Variants in ADCY3 observed in about 807,000 individuals in gnomAD.
The protein encoded by ADCY3 is adenylate cyclase type 3.
ADCY3 carries 70 observed loss-of-function variants against 119.4 expected under a neutral mutation model. The ratio of observed to expected loss-of-function variants is 0.59; its 90% CI spans 0.48 to 0.72. The LOEUF (loss-of-function observed/expected upper bound fraction) is 0.72, where lower values mean the gene tolerates loss of function less well. ADCY3 is among the 30% of genes least tolerant of loss of function. The pLI is 0.00. For synonymous variants in ADCY3, 672 were observed against 621.4 expected, an observed-to-expected ratio of 1.08 and a Z score of -1.21; for missense variants, 1,238 against 1,541.6, an observed-to-expected ratio of 0.80 and a Z score of 3.30.
chr2:24,884,128 G>T (rs1676730164), intron 2 of ADCY3, among the ~76,000 whole-genome samples: 4 of 152,066 alleles, frequency 2.6e-5, no homozygotes, highest in South Asian at 2.1e-4. Context: ...TCCAGTCACT[G>T]GTTCTGATGC....
intron 18 of ADCY3, among the ~76,000 whole-genome samples, chr2:24,823,006 C>A (rs1668017105): frequency 6.6e-6 from 1 of 152,170 alleles, no homozygotes; most frequent in Admixed American, 6.5e-5. Context: ...ATCCTGTGAC[C>A]CTGTGGGTGA....
At chr2:24,883,584 G>C (rs1186968652) in intron 2 of ADCY3, among the ~76,000 whole-genome samples, 1 of 152,220 alleles carries the variant, frequency 6.6e-6, no homozygotes, top group Non-Finnish European at 1.5e-5. Context: ...TACTAAGTGA[G>C]GCAGGAATGA....
At chr2:24,907,650 C>T (rs1037233613) in intron 2 of ADCY3, among the ~76,000 whole-genome samples, 10 of 152,172 alleles carry the variant, frequency 6.6e-5, no homozygotes, top group Middle Eastern at 3.4e-3. Context: ...CCTGCTGAAA[C>T]GACAGCAAGT....
intron 2 of ADCY3, among the ~76,000 whole-genome samples, chr2:24,904,032 C>T (rs549002378): frequency 6.6e-6 from 1 of 152,284 alleles, no homozygotes; most frequent in East Asian, 1.9e-4. Context: ...TGTCTCCCAC[C>T]CACAACCAAC....
intron 9 of ADCY3, among the ~76,000 whole-genome samples, chr2:24,835,707 G>A (rs1015578366): frequency 6.6e-6 from 1 of 152,062 alleles, no homozygotes; most frequent in Non-Finnish European, 1.5e-5. Flanking sequence ...AGGCTGAGGT[G>A]GGTGGATCAC....
At chr2:24,837,175 G>A (rs1395980183) in intron 8 of ADCY3, 130 bp from the exon 9 acceptor site, 2 of 1,104,654 alleles carry the variant, frequency 1.8e-6, no homozygotes, top group African/African-American at 3.2e-5. Context: ...CTTGCTTGTG[G>A]ATTGCAAAGT....
chr2:24,840,155 G>A, intron 6 of ADCY3, 124 bp from the exon 7 acceptor site: 1 of 1,326,994 alleles, frequency 7.5e-7, no homozygotes, highest in South Asian at 1.4e-5. Flanking sequence ...GCCTGGCAAG[G>A]TCCCCACAGC....
intron 3 of ADCY3, among the ~76,000 whole-genome samples, chr2:24,870,904 C>T (rs1042821558): frequency 6.6e-6 from 1 of 152,194 alleles, no homozygotes; most frequent in African/African-American, 2.4e-5. Context: ...AAAAGTGAGG[C>T]TCTGTAGGGT....
At position 24,919,034 on chromosome 2, in the gene ADCY3, G is replaced by A. The variant is rs1329639202; in HGVS notation, c.-47C>T. On this transcript the variant is annotated 5_prime_UTR_variant, in exon 2 of 22. Coordinates refer to ENST00000679454, the MANE Select transcript of ADCY3 (RefSeq NM_004036.5). This position sits in a 1 kb window ranked among gnomAD's most constrained non-coding sequence, Gnocchi z 5.5. Reference sequence around the variant, plus strand: ...GCCCTAGAGAAGTGGACTGGGAACGGAGGAAGAGCTCTGGACTGGGCCTCC... The same window carrying A: ...GCCCTAGAGAAGTGGACTGGGAACGAAGGAAGAGCTCTGGACTGGGCCTCC... 1 of 1,495,084 alleles carries A rather than the reference G, an allele frequency of 6.7e-7. No homozygotes were observed. 92.6% of individuals were successfully genotyped at this position (1,495,084 alleles called of 1,614,324 possible).
chr2:24,829,514 G>A (rs1010905594), intron 13 of ADCY3, among the ~76,000 whole-genome samples: 3 of 139,556 alleles, frequency 2.1e-5, no homozygotes, highest in Non-Finnish European at 3.0e-5. Context: ...TCCACCTCCC[G>A]GGTTCACGCC....
At chr2:24,835,483 G>A (rs1033405617) in intron 9 of ADCY3, among the ~76,000 whole-genome samples, 4 of 152,156 alleles carry the variant, frequency 2.6e-5, no homozygotes, top group Non-Finnish European at 5.9e-5. Context: ...GGTGGAGCTG[G>A]GGCACCCACT....
In ADCY3 at chr2:24,918,617, A is replaced by G; in HGVS notation, c.371T>C (p.Leu124Pro). Residue 124 changes from leucine to proline, a missense_variant, in exon 2 of 22, where the codon CTC (leucine) becomes CCC (proline). Physicochemically the swap from Leu to Pro is moderately conservative, Grantham distance 98. Transcript: ENST00000679454. This position sits in a 1 kb window ranked among gnomAD's most constrained non-coding sequence, Gnocchi z 5.4. The part of the protein sequence containing the change: ...GLVLDIILFV[L>P]CKKGLLPDRV... ...GTCCGGGAGCAGCCCCTTTTTGCAG[A>G]GCACGAAGAGGATGATGTCCAACAC... 1 of 1,614,136 alleles carries G rather than the reference A, an allele frequency of 6.2e-7. No homozygotes were observed. The highest frequency in any genetic ancestry group is 8.5e-7 in the Non-Finnish European group (1 of 1,180,032).
Position 24,918,747 on chromosome 2 carries a change from G to A in ADCY3, c.241C>T (p.Leu81=). The A allele has an allele frequency of 6.2e-7, 1 of 1,614,114 alleles. No individual in the cohort carries two copies. The highest frequency in any genetic ancestry group is 1.1e-5 in the South Asian group (1 of 91,088). The part of the protein sequence containing the change: ...KRQRHETLLV[L]VVFAALFDCY... Reference sequence around the variant, plus strand: ...TCAAAGAGGGCTGCAAAGACCACCAGCACCAGCAGGGTCTCGTGGCGCTGC... The same window carrying A: ...TCAAAGAGGGCTGCAAAGACCACCAACACCAGCAGGGTCTCGTGGCGCTGC... The change falls in exon 2 of 22, where the codon CTG becomes TTG. Residue 81 remains leucine (L), a synonymous_variant. Transcript: ENST00000679454. This position sits in a 1 kb window ranked among gnomAD's most constrained non-coding sequence, Gnocchi z 5.4.
rs148540345 is a variant in ADCY3 at position 24,884,960 on chromosome 2, C to T, written c.676-12241G>A. ...GCGTTTAATTCAGTTCCCTGGTTTTCAATTCAGATTTAAAGTCCTTTCCAA... is the reference window on the plus strand; with the variant it reads ...GCGTTTAATTCAGTTCCCTGGTTTTTAATTCAGATTTAAAGTCCTTTCCAA... On this transcript the variant is annotated intron_variant, in intron 2 of 21. Coordinates refer to ENST00000679454, the MANE Select transcript of ADCY3 (RefSeq NM_004036.5). Among the ~76,000 whole-genome samples the T allele has an allele frequency of 3.4e-3, 514 of 152,342 alleles. 5 individuals are homozygous for T. Among genetic ancestry groups the T allele is most frequent in the African/African-American group, 0.012 (496 of 41,580 alleles).
rs1664897270 is a variant in ADCY3 at position 24,919,802 on chromosome 2, GGGCCCGGCC to G, written c.-326_-318del. ...GCCGCGCCGCCCCGGCAGCGCCTCG[GGGCCCGGCC>G]GGAGCGCGATCTCCCGCCGTCAGGC... is the stretch of plus-strand genomic sequence containing the variant. On this transcript the variant is annotated 5_prime_UTR_variant, in exon 1 of 22. Transcript: ENST00000679454. The surrounding 1 kb of genome is among the most constrained non-coding windows in gnomAD (Gnocchi z 5.5). 6.6e-6 allele frequency: 1 copy of G among 151,202 alleles called. No individual in the cohort carries two copies. The highest frequency in any genetic ancestry group is 6.6e-5 in the Admixed American group (1 of 15,184). The allele number at this position is 151,202 out of a possible 1,614,324, so 9.4% of individuals were successfully genotyped here.
At position 24,855,874 on chromosome 2, in the gene ADCY3, G is replaced by A. The variant is rs528216582; in HGVS notation, c.826-13490C>T. 3.9e-5 allele frequency among the ~76,000 whole-genome samples: 6 copies of A among 152,292 alleles called. No homozygotes were observed. The East Asian group carries it at 5.8e-4, about 15-fold the overall frequency. On this transcript the variant is annotated intron_variant, in intron 3 of 21. Coordinates refer to ENST00000679454, the MANE Select transcript of ADCY3 (RefSeq NM_004036.5). Reference sequence around the variant, plus strand: ...GTCGGCATGGCCTCCACAGGGCTCCGAGAAGGAACCACCCAAGCCCCCTTC... The same window carrying A: ...GTCGGCATGGCCTCCACAGGGCTCCAAGAAGGAACCACCCAAGCCCCCTTC...
At chr2:24,879,385 G>A (rs1030269160) in intron 2 of ADCY3, among the ~76,000 whole-genome samples, 16 of 150,750 alleles carry the variant, frequency 1.1e-4, no homozygotes, top group Admixed American at 7.3e-4. Flanking sequence ...CCCGGGAGGC[G>A]GAGCTTGCAG....
chr2:24,918,451 G>A lies in ADCY3; in HGVS notation c.537C>T (p.Phe179=). ...TGAGGCTGAGGGGCAGCGTGATGAAGAAGGAGAAGACAAAGAAGACCTGCC... is the reference window on the plus strand; with the variant it reads ...TGAGGCTGAGGGGCAGCGTGATGAAAAAGGAGAAGACAAAGAAGACCTGCC... The part of the protein sequence containing the change: ...VGWQVFFVFS[F]FITLPLSLSP... The change falls in exon 2 of 22, where the codon TTC becomes TTT. Residue 179 remains phenylalanine, a synonymous_variant. Transcript: ENST00000679454. This position sits in a 1 kb window ranked among gnomAD's most constrained non-coding sequence, Gnocchi z 5.4. The A allele has an allele frequency of 6.2e-7, 1 of 1,614,090 alleles. No individual in the cohort carries two copies. Among genetic ancestry groups the A allele is most frequent in the Non-Finnish European group, 8.5e-7 (1 of 1,180,040 alleles).
At chr2:24,887,428 G>C (rs116783191) in intron 2 of ADCY3, among the ~76,000 whole-genome samples, 1 of 152,074 alleles carries the variant, frequency 6.6e-6, no homozygotes, top group Non-Finnish European at 1.5e-5. Context: ...CCTTTCCCTC[G>C]GAGACCAGGC....
Sources: gnomAD v4.1 joint callset for allele counts (sites outside exome capture counted in the v4.1 genomes callset) on GRCh38, gnomAD v4.1.1 for gene constraint, Gnocchi (gnomAD v3.1) non-coding constraint, MANE v1.5 for transcripts, NCBI Gene and HGNC (gene_info 2026-07-23, HGNC 2026-07-21) for gene names.